Variants in LDB2 observed in about 807,000 individuals in gnomAD.
LDB2 encodes the protein LIM domain binding 2, also known as LIM domain-binding protein 2.
In LDB2, 12 loss-of-function variants were observed where a neutral mutation model predicts 44.3. That is an observed-to-expected ratio of 0.27 (90% CI 0.17 to 0.44). LDB2 has a LOEUF of 0.44. LDB2 is among the 20% of genes least tolerant of loss of function. The pLI, the probability that LDB2 is intolerant of heterozygous loss-of-function variation, is 1.00. For missense variants in LDB2, 344 were observed against 473.5 expected (o/e 0.73, Z 2.54); for synonymous variants, 164 against 174.8 (o/e 0.94, Z 0.49).
intron 2 of LDB2, among the ~76,000 whole-genome samples, chr4:16,599,143 ATAG>A (rs1197038641): frequency 1.3e-5 from 2 of 152,164 alleles, no homozygotes; most frequent in Non-Finnish European, 2.9e-5. Flanking sequence ...TACCACCAAC[ATAG>A]TGGCCTACAA....
chr4:16,689,182 G>C (rs1265308201), intron 2 of LDB2, among the ~76,000 whole-genome samples: 3 of 152,312 alleles, frequency 2.0e-5, no homozygotes, highest in Middle Eastern at 3.4e-3. Flanking sequence ...TGTCCTACCA[G>C]AGCTGGATCA....
intron 2 of LDB2, among the ~76,000 whole-genome samples, chr4:16,611,225 T>C (rs1302394344): frequency 1.3e-5 from 2 of 151,974 alleles, no homozygotes; most frequent in East Asian, 1.9e-4. Flanking sequence ...GCACTAAATA[T>C]GGAAAGGAAA....
rs554167767 is a variant in LDB2, at chr4:16,515,204, A to C, written c.616-3100T>G. Among the ~76,000 whole-genome samples the C allele has an allele frequency of 3.3e-5, 5 of 152,332 alleles. No individual in the cohort carries two copies. In the South Asian group the frequency reaches 1.0e-3, roughly 32 times the overall value. On this transcript the variant is annotated intron_variant, in intron 5 of 7. Transcript: ENST00000304523. ...ACAAAACCAGAAAACCAAATACTGC[A>C]TATTCTCACTTACAAAAGAGAGCTG...
chr4:16,727,568 C>T (rs1579111054), intron 2 of LDB2, among the ~76,000 whole-genome samples: 2 of 152,220 alleles, frequency 1.3e-5, no homozygotes, highest in Admixed American at 1.3e-4. Context: ...TTTTCCCCTT[C>T]TGTCTCCTGA....
chr4:16,798,421 T>A (rs1239303609), intron 1 of LDB2, among the ~76,000 whole-genome samples: 1 of 152,142 alleles, frequency 6.6e-6, no homozygotes, highest in African/African-American at 2.4e-5. Flanking sequence ...AATAGGACCC[T>A]GAGAATCCAG....
chr4:16,646,296 T>C (rs1578446952), intron 2 of LDB2, among the ~76,000 whole-genome samples: 1 of 152,338 alleles, frequency 6.6e-6, no homozygotes, highest in East Asian at 1.9e-4. Flanking sequence ...TATCTTGATC[T>C]AGAACAAGTC....
intron 1 of LDB2, among the ~76,000 whole-genome samples, chr4:16,792,723 C>T (rs1043672935): frequency 2.0e-5 from 3 of 152,314 alleles, no homozygotes; most frequent in Admixed American, 6.5e-5. Context: ...GGCCTCTCCT[C>T]GGCTCCTGTC....
chr4:16,795,282 G>A (rs141429297), intron 1 of LDB2, among the ~76,000 whole-genome samples: 1,735 of 152,250 alleles, frequency 0.011, 33 homozygotes, highest in African/African-American at 0.038. Context: ...TGGTGGAGAC[G>A]GCAGTTAAAG....
At chr4:16,829,835 G>A (rs1032254674) in intron 1 of LDB2, among the ~76,000 whole-genome samples, 16 of 152,144 alleles carry the variant, frequency 1.1e-4, no homozygotes, top group African/African-American at 2.9e-4. Flanking sequence ...GGCCGGGTGC[G>A]GTGGCTCACG....
In LDB2 at chr4:16,759,240, C is replaced by G; in HGVS notation, c.153G>C (p.Trp51Cys). 1 of 1,613,102 alleles carries G rather than the reference C, an allele frequency of 6.2e-7. No homozygotes were observed. Among genetic ancestry groups the G allele is most frequent in the Non-Finnish European group, 8.5e-7 (1 of 1,179,110 alleles). Residue 51 changes from tryptophan to cysteine, a missense_variant, in exon 2 of 8, where the codon TGG (tryptophan) becomes TGC (cysteine). Physicochemically the swap from Trp to Cys is radical, Grantham distance 215. Coordinates refer to ENST00000304523, the MANE Select transcript of LDB2 (RefSeq NM_001290.5). ...SRTEDSDNLW[W>C]DAFATEFFED... ...CAAAAAATTCAGTGGCAAAGGCGTC[C>G]CACCAGAGGTTGTCACTATCCTGCA...
In LDB2 at chr4:16,657,041, G is replaced by A. The variant is rs79485392; in HGVS notation, c.236-61166C>T. On this transcript the variant is annotated intron_variant, in intron 2 of 7. Transcript: ENST00000304523. ...GAATATCACAAAACTCAGTAGGAATGTCAACTATAATTTCCTGCAGAAGAA... is the reference window on the plus strand; with the variant it reads ...GAATATCACAAAACTCAGTAGGAATATCAACTATAATTTCCTGCAGAAGAA... Among the ~76,000 whole-genome samples the A allele has an allele frequency of 3.4e-3, 511 of 152,290 alleles. 3 individuals carry two copies. Among genetic ancestry groups the A allele is most frequent in the African/African-American group, 0.012 (495 of 41,566 alleles).
intron 2 of LDB2, chr4:16,626,932 G>A (rs1730429392): frequency 6.6e-6 from 1 of 152,170 alleles, no homozygotes. Flanking sequence ...CATGAAAGGA[G>A]ATCTGGACTA....
intron 2 of LDB2, among the ~76,000 whole-genome samples, chr4:16,672,535 C>G (rs1745064828): frequency 6.6e-6 from 1 of 152,130 alleles, no homozygotes; most frequent in South Asian, 2.1e-4. Flanking sequence ...CTTTTTTAAA[C>G]TATACTACTG....
chr4:16,846,038 C>T (rs976931056), intron 1 of LDB2, among the ~76,000 whole-genome samples: 11 of 149,136 alleles, frequency 7.4e-5, no homozygotes, highest in Admixed American at 4.7e-4. Context: ...GGGGTGAACC[C>T]GGGAGGCAGA....
At chr4:16,536,216 A>G (rs1439757302) in intron 5 of LDB2, among the ~76,000 whole-genome samples, 2 of 152,208 alleles carry the variant, frequency 1.3e-5, no homozygotes, top group African/African-American at 4.8e-5. Flanking sequence ...TCATTTGTGT[A>G]GGAGCAGATA....
intron 1 of LDB2, among the ~76,000 whole-genome samples, chr4:16,824,299 T>C (rs1243805484): frequency 2.6e-5 from 4 of 152,242 alleles, no homozygotes; most frequent in Non-Finnish European, 5.9e-5. Flanking sequence ...CACTAGCTTT[T>C]AGACTTAGAA....
rs114923319 is a variant in LDB2 at position 16,749,891 on chromosome 4, G to T, written c.235+9267C>A. Among the ~76,000 whole-genome samples the T allele has an allele frequency of 3.9e-3, 597 of 152,216 alleles. 5 individuals are homozygous for T. Among genetic ancestry groups the T allele is most frequent in the African/African-American group, 0.014 (571 of 41,556 alleles). On this transcript the variant is annotated intron_variant, in intron 2 of 7. Coordinates refer to ENST00000304523, the MANE Select transcript of LDB2 (RefSeq NM_001290.5). ...TTCTCTCATGAGTTTAAGAACTAAG[G>T]CTTTTAGAAGGTTAGAAAGAAGTCT...
chr4:16,747,204 T>G (rs908386558), intron 2 of LDB2, among the ~76,000 whole-genome samples: 1 of 152,170 alleles, frequency 6.6e-6, no homozygotes, highest in African/African-American at 2.4e-5. Flanking sequence ...AACAAGGTAA[T>G]TATCAAGTGA....
chr4:16,696,395 T>G (rs973211414), intron 2 of LDB2, among the ~76,000 whole-genome samples: 1 of 152,128 alleles, frequency 6.6e-6, no homozygotes, highest in Non-Finnish European at 1.5e-5. Flanking sequence ...TTAGCCAAAA[T>G]GAAGAAAAAA....
Sources: gnomAD v4.1 joint callset for allele counts (sites outside exome capture counted in the v4.1 genomes callset) on GRCh38, gnomAD v4.1.1 for gene constraint, MANE v1.5 for transcripts, NCBI Gene and HGNC (gene_info 2026-07-23, HGNC 2026-07-21) for gene names.